Variants in ZP4 observed in about 807,000 individuals in gnomAD.
The protein encoded by ZP4 is zona pellucida sperm-binding protein 4.
Under a neutral mutation model 62.3 loss-of-function variants are expected in ZP4, and 62 were observed. The observed-to-expected ratio is 0.99, with a 90% CI of 0.81 to 1.23. The LOEUF (loss-of-function observed/expected upper bound fraction) is 1.23. Ranked by LOEUF, ZP4 falls within the 50% of genes most tolerant of loss-of-function variation. The pLI is 0.00. For synonymous variants in ZP4, 289 were observed against 247.3 expected (o/e 1.17, Z -1.58); for missense variants, 774 against 656.0 (o/e 1.18, Z -1.97).
intron 10 of ZP4, 63 bp downstream of exon 10, chr1:237,884,706 G>T: frequency 1.3e-6 from 2 of 1,483,850 alleles, no homozygotes; most frequent in East Asian, 2.3e-5. Flanking sequence ...CAGAGACTAG[G>T]AAAGGTTAGA....
At chr1:237,883,680 AGG>A (rs1664978936) in intron 10 of ZP4, among the ~76,000 whole-genome samples, 3 of 6,720 alleles carry the variant, frequency 4.5e-4, no homozygotes, top group African/African-American at 2.4e-3. Context: ...AGGGCGGGGG[AGG>A]GCGGGGGAGG....
At chr1:237,882,936 T>C in intron 10 of ZP4, 90 bp from the exon 11 acceptor site, 1 of 1,109,196 alleles carries the variant, frequency 9.0e-7, no homozygotes, top group Non-Finnish European at 1.3e-6. Context: ...CAAGTGTCTC[T>C]ATAAAGCTTG....
rs1173733667 is a variant in ZP4, at chr1:237,883,983, AACACACACACACAC to A, written c.1390+772_1390+785del. Among the ~76,000 whole-genome samples, 155 of 42,372 alleles carry A rather than the reference AACACACACACACAC, an allele frequency of 3.7e-3. 1 individual carries two copies. The highest frequency in any genetic ancestry group is 0.013 in the African/African-American group (149 of 11,094). 27.8% of individuals were successfully genotyped at this position (42,372 alleles called of 152,430 possible). ...ACACACACAAACACACACACACACA[AACACACACACACAC>A]ACACACACACACACACACAAACACA... On this transcript the variant is annotated intron_variant, in intron 10 of 11. Coordinates refer to ENST00000366570, the MANE Select transcript of ZP4 (RefSeq NM_021186.5).
At chr1:237,888,598 C>T in intron 3 of ZP4, 88 bp from the exon 4 acceptor site, 1 of 1,316,850 alleles carries the variant, frequency 7.6e-7, no homozygotes, top group Non-Finnish European at 1.0e-6. Flanking sequence ...ACTTTGGATT[C>T]CTGTAGATAT....
In ZP4 at chr1:237,890,611, G is replaced by C; in HGVS notation, c.25C>G (p.Leu9Val). 6.2e-6 allele frequency: 10 copies of C among 1,613,712 alleles called. No homozygotes were observed. The highest frequency in any genetic ancestry group is 8.5e-6 in the Non-Finnish European group (10 of 1,179,906). The change falls in exon 1 of 12, where the codon CTG becomes GTG. Residue 9 changes from leucine (L) to valine (V), a missense_variant. Coordinates refer to ENST00000366570, the MANE Select transcript of ZP4 (RefSeq NM_021186.5). ...ACAGCAAGAGATAATGAAACACACA[G>C]CAAAACGCACCGCAGCAGCCACATA... MWLLRCVL[L>V]CVSLSLAVSG... is the part of the protein sequence containing the mutation.
intron 3 of ZP4, 25 bp downstream of exon 3, chr1:237,889,842 G>T: frequency 8.1e-5 from 57 of 704,826 alleles, no homozygotes; most frequent in Non-Finnish European, 1.1e-4. Context: ...ACCCCCACAA[G>T]ACCCTGAGAG....
chr1:237,883,956 T>TCA (rs142077564), intron 10 of ZP4, among the ~76,000 whole-genome samples: 4,051 of 126,166 alleles, frequency 0.032, 138 homozygotes, highest in Middle Eastern at 0.057. Context: ...CAAGAACTGG[T>TCA]CACACACACA....
chr1:237,888,394 A>G lies in ZP4; in HGVS notation c.517T>C (p.Ser173Pro), dbSNP rs1350561134. ...DCEGLGCCYS[S>P]EEVNSCYYGN... ...TAGTAGCAGGAATTCACCTCTTCAG[A>G]GCTATAACAACAGCCTAGCCCTTCA... The change falls in exon 4 of 12, where the codon TCT becomes CCT. Residue 173 changes from serine to proline, a missense_variant. Physicochemically the swap from Ser to Pro is moderately conservative, Grantham distance 74. Coordinates refer to ENST00000366570, the MANE Select transcript of ZP4 (RefSeq NM_021186.5). 6.2e-7 allele frequency: 1 copy of G among 1,605,124 alleles called. No individual in the cohort carries two copies. Among genetic ancestry groups the G allele is most frequent in the African/African-American group, 1.3e-5 (1 of 74,818 alleles).
chr1:237,886,642 G>A (rs967146562), intron 6 of ZP4, 129 bp downstream of exon 6: 49 of 699,646 alleles, frequency 7.0e-5, no homozygotes, highest in South Asian at 2.0e-4. Flanking sequence ...AATGGGCAGT[G>A]CAATTGGTGA....
At chr1:237,889,418 A>G (rs1316611215) in intron 3 of ZP4, among the ~76,000 whole-genome samples, 1 of 151,410 alleles carries the variant, frequency 6.6e-6, no homozygotes, top group Non-Finnish European at 1.5e-5. Flanking sequence ...TCCCAGGTTC[A>G]AGCGATTCTC....
At chr1:237,887,608 G>A (rs1665136768) in intron 4 of ZP4, 47 bp from the exon 5 acceptor site, 2 of 1,564,486 alleles carry the variant, frequency 1.3e-6, no homozygotes, top group East Asian at 4.5e-5. Flanking sequence ...CTCCCATTGT[G>A]GGGAGAACCA....
Position 237,890,684 on chromosome 1 carries a change from C to T in ZP4, c.-49G>A. 6.3e-7 allele frequency: 1 copy of T among 1,577,382 alleles called. No homozygotes were observed. Among genetic ancestry groups the T allele is most frequent in the Non-Finnish European group, 8.6e-7 (1 of 1,161,268 alleles). ...GCTGCAGACTCTCCGCCTCCTCTCC[C>T]AAGAGCCGAGGGTCTGCCTGCCCAG... On this transcript the variant is annotated 5_prime_UTR_variant, in exon 1 of 12. Transcript: ENST00000366570.
chr1:237,886,908 G>T (rs375152514), intron 5 of ZP4, 40 bp from the exon 6 acceptor site: 1 of 1,555,864 alleles, frequency 6.4e-7, no homozygotes, highest in Middle Eastern at 1.7e-4. Flanking sequence ...ATTTCTGTTA[G>T]TGTTATGCTG....
chr1:237,884,606 A>T (rs1665050773), intron 10 of ZP4, among the ~76,000 whole-genome samples, 163 bp downstream of exon 10: 1 of 152,198 alleles, frequency 6.6e-6, no homozygotes, highest in African/African-American at 2.4e-5. Flanking sequence ...GAGACATGGG[A>T]TTCTGGGAAG....
At chr1:237,887,316 A>T (rs903451530) in intron 5 of ZP4, 58 bp downstream of exon 5, 2 of 1,574,708 alleles carry the variant, frequency 1.3e-6, no homozygotes, top group Non-Finnish European at 1.7e-6. Flanking sequence ...CTCCCCCACT[A>T]GTCACTACAA....
intron 11 of ZP4, 89 bp downstream of exon 11, chr1:237,882,653 T>C (rs952714447): frequency 2.5e-6 from 4 of 1,573,734 alleles, no homozygotes; most frequent in Non-Finnish European, 3.4e-6. Context: ...CAATTTCTTT[T>C]GACTAGAACA....
chr1:237,883,851 T>C (rs1332783991), intron 10 of ZP4, among the ~76,000 whole-genome samples: 2 of 136,672 alleles, frequency 1.5e-5, no homozygotes, highest in South Asian at 2.4e-4. Context: ...GTAGTTTTAG[T>C]TGGGAGGCTG....
chr1:237,890,728 G>A lies in ZP4; in HGVS notation c.-93C>T, dbSNP rs574652860. ...TGCCCAGATTCCTTTATATACAGAA[G>A]TCAGGCTTGTTTTCAGCTGCACATC... is the stretch of plus-strand genomic sequence containing the variant. On this transcript the variant is annotated 5_prime_UTR_variant, in exon 1 of 12. Coordinates refer to ENST00000366570, the MANE Select transcript of ZP4 (RefSeq NM_021186.5). 13 of 1,415,992 alleles carry A rather than the reference G, an allele frequency of 9.2e-6. No individual in the cohort carries two copies. The highest frequency in any genetic ancestry group is 1.2e-5 in the Non-Finnish European group (13 of 1,055,356). 87.7% of individuals were successfully genotyped at this position (1,415,992 alleles called of 1,614,324 possible). A position where few individuals can be genotyped will look rare whatever the true frequency, so the allele number is the denominator to read the frequency against.
chr1:237,885,479 G>A lies in ZP4; in HGVS notation c.1072C>T (p.Pro358Ser). ...VEVSILHRTD[P>S]YLGLLLQQCW... ...TGTTGTAGGAGCAGCCCCAGGTAGG[G>A]GTCTGTTCTGTGAAGGATGGAGACC... The change falls in exon 8 of 12, where the codon CCC (proline) becomes TCC (serine). Residue 358 changes from proline to serine, a missense_variant. Coordinates refer to ENST00000366570, the MANE Select transcript of ZP4 (RefSeq NM_021186.5). 4.3e-6 allele frequency: 7 copies of A among 1,614,100 alleles called. No individual in the cohort carries two copies. Among genetic ancestry groups the A allele is most frequent in the African/African-American group, 1.3e-5 (1 of 75,014 alleles).
Sources: allele counts gnomAD v4.1 joint callset (sites outside exome capture counted in the v4.1 genomes callset), GRCh38; gene constraint gnomAD v4.1.1; transcripts MANE v1.5; gene names NCBI Gene and HGNC (gene_info 2026-07-23, HGNC 2026-07-21).